Variants in PI4KB observed in about 807,000 individuals in gnomAD.
PI4KB encodes the protein phosphatidylinositol 4-kinase beta, also known as PtdIns 4-kinase beta.
Under a neutral mutation model 81.4 loss-of-function variants are expected in PI4KB, and 23 were observed. That is an observed-to-expected ratio of 0.28 (90% confidence interval 0.20 to 0.40). PI4KB has a LOEUF of 0.40. Ranked by LOEUF, PI4KB falls within the 10% of genes least tolerant of loss-of-function variation. PI4KB has a pLI of 1.00. For missense variants in PI4KB, 651 were observed against 1,036.6 expected (o/e 0.63, Z 5.11); for synonymous variants, 381 against 406.8 (o/e 0.94, Z 0.76).
rs115370109 is a variant in PI4KB, at chr1:151,304,034, C to T, written c.1411-384G>A. Among the ~76,000 whole-genome samples, 991 of 152,250 alleles carry T rather than the reference C, an allele frequency of 6.5e-3. 9 individuals are homozygous for T. The highest frequency in any genetic ancestry group is 0.017 in the Middle Eastern group (5 of 294). On this transcript the variant is annotated intron_variant, in intron 5 of 11. Coordinates refer to ENST00000368873, the MANE Select transcript of PI4KB (RefSeq NM_001369623.2). Reference sequence around the variant, plus strand: ...TGAGAGTCCCCCAAGGATAGGGATGCGTTCTCCCCTAGGGTCCAAAGCAGA... The same window carrying T: ...TGAGAGTCCCCCAAGGATAGGGATGTGTTCTCCCCTAGGGTCCAAAGCAGA...
Position 151,307,730 on chromosome 1 carries a change from G to A in PI4KB, c.1026C>T (p.Leu342=), listed in dbSNP as rs1274060872. The change falls in exon 4 of 12, where the codon CTC becomes CTT. Residue 342 remains leucine (L), a synonymous_variant. Transcript: ENST00000368873. ...LMAIGKRLAT[L]PTKEQKTQRL... ...TCTGTGTTTTCTGCTCTTTGGTGGGGAGCGTGGCCAGCCGCTTGCCGATCG... is the reference window on the plus strand; with the variant it reads ...TCTGTGTTTTCTGCTCTTTGGTGGGAAGCGTGGCCAGCCGCTTGCCGATCG... The A allele has an allele frequency of 1.9e-6, 3 of 1,614,050 alleles. No individual in the cohort carries two copies. The African/African-American group carries it at 4.0e-5, about 22-fold the overall frequency.
At chr1:151,326,097 G>T in intron 1 of PI4KB, 1 of 1,314,320 alleles carries the variant, frequency 7.6e-7, no homozygotes, top group Non-Finnish European at 1.1e-6. Flanking sequence ...TCTGGACAGG[G>T]GTGAGAAGGC....
At position 151,315,802 on chromosome 1, in the gene PI4KB, G is replaced by C; in HGVS notation, c.680C>G (p.Thr227Ser). The C allele has an allele frequency of 3.7e-6, 6 of 1,613,070 alleles. No homozygotes were observed. Among genetic ancestry groups the C allele is most frequent in the Non-Finnish European group, 5.1e-6 (6 of 1,179,460 alleles). ...GAYSSDMHIS[T>S]QRHSRGTKLR... ...CTTGGTCCCACGGGAGTGTCGTTGA[G>C]TGGAAATGTGCATGTCTGAAGAATA... is the stretch of plus-strand genomic sequence containing the variant. The change falls in exon 2 of 12, where the codon ACT becomes AGT. Residue 227 changes from threonine to serine, a missense_variant. Around this residue, in one of 5 missense-constraint regions of PI4KB, gnomAD observed 314 missense variants for 397.8 expected, o/e 0.79. Transcript: ENST00000368873.
intron 1 of PI4KB, chr1:151,325,033 C>T (rs1295257826): frequency 1.4e-5 from 5 of 369,850 alleles, no homozygotes; most frequent in Non-Finnish European, 1.9e-5. Flanking sequence ...ACTCAGTCAC[C>T]CAGGCTGGAG....
chr1:151,310,288 AG>A (rs1696115238), intron 2 of PI4KB, 33 bp from the exon 3 acceptor site: 2 of 569,158 alleles, frequency 3.5e-6, no homozygotes, highest in African/African-American at 2.1e-5. Context: ...AGGGAGAAGG[AG>A]GGGGTGGGAA....
intron 8 of PI4KB, among the ~76,000 whole-genome samples, chr1:151,299,387 A>G (rs587670095): frequency 1.7e-4 from 26 of 152,260 alleles, no homozygotes; most frequent in African/African-American, 6.3e-4. Flanking sequence ...AGTTCAAATA[A>G]TAAGAAAAAA....
At chr1:151,302,341 C>T (rs188438048) in intron 6 of PI4KB, 43 bp from the exon 7 acceptor site, 3 of 1,397,962 alleles carry the variant, frequency 2.1e-6, no homozygotes, top group Admixed American at 1.7e-5. Context: ...GAAGCTACCC[C>T]CAAGCCCCAT....
chr1:151,306,128 C>CCT lies in PI4KB; in HGVS notation c.1410+6_1410+7dup. On this transcript the variant is annotated splice_region_variant and intron_variant, in intron 5 of 11. Transcript: ENST00000368873. Reference sequence around the variant, plus strand: ...TGACCCAGCATTACCTCCCTGAAGCCCTCTCACCTCCACTTGCAGCTCGCC... The same window carrying CCT: ...TGACCCAGCATTACCTCCCTGAAGCCCTCTCTCACCTCCACTTGCAGCTCGCC... 1 of 1,607,926 alleles carries CCT rather than the reference C, an allele frequency of 6.2e-7. No homozygotes were observed. Among genetic ancestry groups the CCT allele is most frequent in the Non-Finnish European group, 8.5e-7 (1 of 1,174,476 alleles).
intron 8 of PI4KB, among the ~76,000 whole-genome samples, chr1:151,301,498 C>T (rs1186847784): frequency 1.3e-5 from 2 of 152,246 alleles, no homozygotes; most frequent in Admixed American, 6.5e-5. Context: ...CCCGGGCTCA[C>T]GCCATTCTCC....
At position 151,315,579 on chromosome 1, in the gene PI4KB, C is replaced by T. The variant is rs945514560; in HGVS notation, c.903G>A (p.Glu301=). 3 of 1,613,090 alleles carry T rather than the reference C, an allele frequency of 1.9e-6. No individual in the cohort carries two copies. The African/African-American group carries it at 4.0e-5, about 22-fold the overall frequency. ...GCCCTCCCCAGAATTTTACCTCATC[C>T]TCATTCTCCACTTTAGGGTTGCTGG... The part of the protein sequence containing the change: ...RTASNPKVEN[E]DEELSSSTES... The change falls in exon 2 of 12, where the codon GAG becomes GAA. Residue 301 remains glutamate, a synonymous_variant. Transcript: ENST00000368873.
At chr1:151,310,285 A>C in intron 2 of PI4KB, 30 bp from the exon 3 acceptor site, 12 of 677,038 alleles carry the variant, frequency 1.8e-5, no homozygotes, top group Non-Finnish European at 2.3e-5. Flanking sequence ...CAAAGGGAGA[A>C]GGAGGGGGTG....
chr1:151,323,692 C>G (rs1649187565), intron 1 of PI4KB, among the ~76,000 whole-genome samples: 1 of 152,174 alleles, frequency 6.6e-6, no homozygotes, highest in Non-Finnish European at 1.5e-5. Context: ...CCACTGCACT[C>G]TAGCCTGGGC....
chr1:151,307,435 A>G (rs1190473215), intron 4 of PI4KB, 139 bp downstream of exon 4: 1 of 626,486 alleles, frequency 1.6e-6, no homozygotes, highest in Admixed American at 2.6e-5. Flanking sequence ...AGACAGAGTC[A>G]TGGTTGACAT....
Position 151,299,064 on chromosome 1 carries a change from C to A in PI4KB, c.1759G>T (p.Glu587Ter). 1 of 1,613,890 alleles carries A rather than the reference C, an allele frequency of 6.2e-7. No individual in the cohort carries two copies. The highest frequency in any genetic ancestry group is 8.5e-7 in the Non-Finnish European group (1 of 1,179,788). Residue 587 changes from glutamate (E) to a stop codon, truncating the protein, a stop_gained, in exon 9 of 12, where the codon GAA (glutamate) becomes TAA (stop). Coordinates refer to ENST00000368873, the MANE Select transcript of PI4KB (RefSeq NM_001369623.2). LOFTEE classifies it high-confidence loss of function. ...ATCCAAAGGGGCACTCGCTCCTGTT[C>A]CCAAATGGACTGTGAGGAGACATGG... is the stretch of plus-strand genomic sequence containing the variant. The part of the protein sequence containing the change: ...QVLKQLQSIW[E>*]QERVPLWIKP...
chr1:151,293,517 G>C lies in PI4KB; in HGVS notation c.2270-484C>G, dbSNP rs1048562184. 2.0e-5 allele frequency: 17 copies of C among 856,730 alleles called. No homozygotes were observed. In the African/African-American group the frequency reaches 3.1e-4, roughly 16 times the overall value. 53.1% of individuals were successfully genotyped at this position (856,730 alleles called of 1,614,324 possible). Reference sequence around the variant, plus strand: ...GGGGGAGACTGGCAGTTCAGACCTGGTATACACCTGGAGCCTTGAGGAGGG... The same window carrying C: ...GGGGGAGACTGGCAGTTCAGACCTGCTATACACCTGGAGCCTTGAGGAGGG... On this transcript the variant is annotated intron_variant, in intron 11 of 11. Transcript: ENST00000368873.
chr1:151,293,935 G>A (rs1313864030), intron 11 of PI4KB, 83 bp downstream of exon 11: 8 of 1,504,408 alleles, frequency 5.3e-6, no homozygotes, highest in African/African-American at 1.4e-5. Context: ...GAGTCTCGTG[G>A]GATCAGCTTT....
chr1:151,304,897 T>C (rs1316005003), intron 5 of PI4KB, among the ~76,000 whole-genome samples: 1 of 151,582 alleles, frequency 6.6e-6, no homozygotes. Context: ...TGGCGTGATC[T>C]TGGTTCACTG....
rs1166873730 is a variant in PI4KB, at chr1:151,307,755, G to A, written c.1001C>T (p.Ala334Val). ...GAGCGTGGCCAGCCGCTTGCCGATC[G>A]CCATCAGGGACTTGATGAATTCTCT... is the stretch of plus-strand genomic sequence containing the variant. ...PEREFIKSLM[A>V]IGKRLATLPT... Residue 334 changes from alanine to valine, a missense_variant, in exon 4 of 12, where the codon GCG (alanine) becomes GTG (valine). By Grantham distance (64) the Ala-to-Val change is moderately conservative. Transcript: ENST00000368873. 5 of 1,613,986 alleles carry A rather than the reference G, an allele frequency of 3.1e-6. No homozygotes were observed. The highest frequency in any genetic ancestry group is 2.2e-5 in the South Asian group (2 of 91,080).
In PI4KB at chr1:151,316,324, T is replaced by C. The variant is rs1302042247; in HGVS notation, c.158A>G (p.Gln53Arg). ...AAGCTTGACTTTCTCCAACACCTCC[T>C]GGCAGGCCTTCTGGGCCACCTCAGG... ...IDPEVAQKAC[Q>R]EVLEKVKLLH... Residue 53 changes from glutamine (Q) to arginine (R), a missense_variant, in exon 2 of 12, where the codon CAG (glutamine) becomes CGG (arginine). Physicochemically the swap from Gln to Arg is conservative, Grantham distance 43. This residue lies in a region of PI4KB where 314 missense variants were observed against 397.8 expected (regional missense o/e 0.79). Coordinates refer to ENST00000368873, the MANE Select transcript of PI4KB (RefSeq NM_001369623.2). The C allele has an allele frequency of 1.2e-6, 2 of 1,614,014 alleles. No individual in the cohort carries two copies. Among genetic ancestry groups the C allele is most frequent in the Admixed American group, 3.3e-5 (2 of 59,992 alleles).
Sources: gnomAD v4.1 joint callset for allele counts (sites outside exome capture counted in the v4.1 genomes callset) on GRCh38, gnomAD v4.1.1 for gene constraint, gnomAD v4.1.1 regional missense constraint, MANE v1.5 for transcripts, NCBI Gene and HGNC (gene_info 2026-07-23, HGNC 2026-07-21) for gene names.